The following ABCB6 variants were observed in gnomAD, a reference collection of about 807,000 sequenced individuals.
ABCB6 encodes ATP binding cassette subfamily B member 6 (LAN blood group), also known as ATP-binding cassette sub-family B member 6.
Under a neutral mutation model 99.4 loss-of-function variants are expected in ABCB6, and 87 were observed. The ratio of observed to expected loss-of-function variants is 0.88; its 90% confidence interval spans 0.74 to 1.05. The LOEUF is 1.05. Ranked by LOEUF, ABCB6 falls within the 50% of genes least tolerant of loss-of-function variation. The probability of loss-of-function intolerance (pLI) is 0.00; values close to 1 mark genes in which losing one functional copy is unlikely to be tolerated. For synonymous variants in ABCB6, 482 were observed against 447.5 expected (o/e 1.08, Z -0.97); for missense variants, 1,050 against 1,097.9 (o/e 0.96, Z 0.62).
rs1208267565 is a variant in ABCB6 at position 219,209,897 on chromosome 2, C to G, written c.*41G>C. The G allele has an allele frequency of 6.9e-7, 1 of 1,451,102 alleles. No homozygotes were observed. Among genetic ancestry groups the G allele is most frequent in the South Asian group, 1.1e-5 (1 of 87,832 alleles). 89.9% of individuals were successfully genotyped at this position (1,451,102 alleles called of 1,614,324 possible). On this transcript the variant is annotated 3_prime_UTR_variant, in exon 19 of 19. Coordinates refer to ENST00000265316, the MANE Select transcript of ABCB6 (RefSeq NM_005689.4). ...AGGGAAAGGAGACACATCTTATTCC[C>G]TTCTGGGTTAGTCTTTGAGAGGGAA...
Position 219,218,745 on chromosome 2 carries a change from G to A in ABCB6, c.-72C>T, listed in dbSNP as rs1372298649. Reference sequence around the variant, plus strand: ...AGGCCGGGACTGGTCACTCGGAGAGGGGCGCGGACATCCGGGTGCCTTGGC... The same window carrying A: ...AGGCCGGGACTGGTCACTCGGAGAGAGGCGCGGACATCCGGGTGCCTTGGC... On this transcript the variant is annotated 5_prime_UTR_variant, in exon 1 of 19. Transcript: ENST00000265316. 2.8e-6 allele frequency: 4 copies of A among 1,447,580 alleles called. No homozygotes were observed. Among genetic ancestry groups the A allele is most frequent in the East Asian group, 5.0e-5 (2 of 39,810 alleles). The allele number at this position is 1,447,580 out of a possible 1,614,324, so 89.7% of individuals were successfully genotyped here.
chr2:219,218,614 C>T lies in ABCB6; in HGVS notation c.60G>A (p.Gln20=), dbSNP rs1950680968. The stretch of plus-strand genomic sequence containing the variant: ...AGAAGAAGCAGGGACTCAGGCCATC[C>T]TGCATCCAGGCCGGACCCACGGGCC... The part of the protein sequence containing the change: ...AEGPVGPAWM[Q]DGLSPCFFFT... The change falls in exon 1 of 19, where the codon CAG becomes CAA. Residue 20 remains glutamine, a synonymous_variant. Transcript: ENST00000265316. 6.2e-7 allele frequency: 1 copy of T among 1,611,372 alleles called. No homozygotes were observed. The highest frequency in any genetic ancestry group is 2.2e-5 in the East Asian group (1 of 44,820).
chr2:219,213,853 T>C lies in ABCB6; in HGVS notation c.1551A>G (p.Ala517=), dbSNP rs777482073. The C allele has an allele frequency of 3.9e-5, 63 of 1,613,952 alleles. No homozygotes were observed. The South Asian group carries it at 6.7e-4, about 17-fold the overall frequency. The stretch of plus-strand genomic sequence containing the variant: ...GTAGCTTCTGCTCAGTGACAAAGTA[T>C]GCGCAAAGCAGGGAGCCGGCGAGGA... ...LGLLAGSLLC[A]YFVTEQKLQV... is the part of the protein sequence containing the mutation. The change falls in exon 9 of 19, where the codon GCA becomes GCG. Residue 517 remains alanine (A), a synonymous_variant. Transcript: ENST00000265316.
chr2:219,212,331 TATC>T, intron 14 of ABCB6, 53 bp downstream of exon 14: 1 of 1,481,044 alleles, frequency 6.8e-7, no homozygotes, highest in Non-Finnish European at 9.4e-7. Flanking sequence ...AGCCAGCCCT[TATC>T]ATTCCTCCAC....
chr2:219,217,961 GAC>G (rs1170779233), intron 1 of ABCB6, among the ~76,000 whole-genome samples, 154 bp from the exon 2 acceptor site: 1 of 149,472 alleles, frequency 6.7e-6, no homozygotes, highest in Non-Finnish European at 1.5e-5. Context: ...ACTCAGCAAA[GAC>G]ACACCCCACC....
In ABCB6 at chr2:219,218,925, G is replaced by A. The variant is rs970367348; in HGVS notation, c.-252C>T. On this transcript the variant is annotated 5_prime_UTR_variant, in exon 1 of 19. Transcript: ENST00000265316. The stretch of plus-strand genomic sequence containing the variant: ...GCACGGCCCCGCTGGCTCTGGGCCC[G>A]GGACCCTCCTGCCAACTGCAGGCCC... 3 of 476,360 alleles carry A rather than the reference G, an allele frequency of 6.3e-6. No homozygotes were observed. The highest frequency in any genetic ancestry group is 7.4e-5 in the East Asian group (2 of 27,110). 29.5% of individuals were successfully genotyped at this position (476,360 alleles called of 1,614,324 possible).
intron 5 of ABCB6, 108 bp from the exon 6 acceptor site, chr2:219,215,190 C>T: frequency 7.0e-7 from 1 of 1,425,174 alleles, no homozygotes; most frequent in Non-Finnish European, 9.5e-7. Context: ...CAGACTGGAA[C>T]CAGTCTTAAT....
rs1950599366 is a variant in ABCB6 at position 219,213,221 on chromosome 2, A to C, written c.1805+20T>G. 1.9e-6 allele frequency: 3 copies of C among 1,613,684 alleles called. No individual in the cohort carries two copies. Among genetic ancestry groups the C allele is most frequent in the Middle Eastern group, 1.6e-4 (1 of 6,062 alleles). On this transcript the variant is annotated intron_variant, in intron 12 of 18. Coordinates refer to ENST00000265316, the MANE Select transcript of ABCB6 (RefSeq NM_005689.4). ...GTGCAAATGAACGGAAAAGCAAAGGAAGCAAAAGGAAGGCCTCACCCATCG... is the reference window on the plus strand; with the variant it reads ...GTGCAAATGAACGGAAAAGCAAAGGCAGCAAAAGGAAGGCCTCACCCATCG...
intron 14 of ABCB6, among the ~76,000 whole-genome samples, chr2:219,212,073 T>G (rs1431018031): frequency 6.6e-5 from 10 of 152,076 alleles, no homozygotes; most frequent in African/African-American, 2.2e-4. Flanking sequence ...ATTTTTGTAT[T>G]TTTTGTAGAG....
At chr2:219,215,419 C>T (rs905480865) in intron 5 of ABCB6, 1 of 260,040 alleles carries the variant, frequency 3.8e-6, no homozygotes, top group African/African-American at 2.3e-5. Context: ...TGTGAGTCTG[C>T]ATATATAATA....
chr2:219,218,355 G>A lies in ABCB6; in HGVS notation c.319C>T (p.Leu107=). The change falls in exon 1 of 19, where the codon CTA becomes TTA. Residue 107 remains leucine (L), a synonymous_variant. Coordinates refer to ENST00000265316, the MANE Select transcript of ABCB6 (RefSeq NM_005689.4). ...CTCTCCAGCACGGAGGCCAGAAGTA[G>A]ATAGCTTGGCAGTGGGGCCCCCCGG... The part of the protein sequence containing the change: ...TARGAPLPSY[L]LLASVLESLA... The A allele has an allele frequency of 1.2e-6, 2 of 1,613,072 alleles. No homozygotes were observed. Among genetic ancestry groups the A allele is most frequent in the Middle Eastern group, 1.7e-4 (1 of 6,060 alleles).
Position 219,209,928 on chromosome 2 carries a change from C to T in ABCB6, c.*10G>A, listed in dbSNP as rs1194565160. On this transcript the variant is annotated 3_prime_UTR_variant, in exon 19 of 19. Coordinates refer to ENST00000265316, the MANE Select transcript of ABCB6 (RefSeq NM_005689.4). ...GGTTAGTCTTTGAGAGGGAAGTGGC[C>T]AAACTTTTGTCACCGTTCCATGGTC... The T allele has an allele frequency of 6.2e-7, 1 of 1,612,270 alleles. No individual in the cohort carries two copies.
At chr2:219,213,687 G>C (rs764104159) in intron 9 of ABCB6, 21 bp from the exon 10 acceptor site, 47 of 1,613,954 alleles carry the variant, frequency 2.9e-5, no homozygotes, top group Middle Eastern at 3.3e-4. Flanking sequence ...CAAGGAAGCA[G>C]AGCATGTCAC....
In ABCB6 at chr2:219,216,095, G is replaced by A. The variant is rs752352053; in HGVS notation, c.1056C>T (p.His352=). 24 of 1,588,382 alleles carry A rather than the reference G, an allele frequency of 1.5e-5. No individual in the cohort carries two copies. Among genetic ancestry groups the A allele is most frequent in the Non-Finnish European group, 1.9e-5 (22 of 1,167,922 alleles). Residue 352 remains histidine (H), a synonymous_variant, in exon 5 of 19, where the codon CAC becomes CAT. Coordinates refer to ENST00000265316, the MANE Select transcript of ABCB6 (RefSeq NM_005689.4). The surrounding 1 kb of genome is among the most constrained non-coding windows in gnomAD (Gnocchi z 4.2). ...SRRVELLIFS[H]LHELSLRWHL... The stretch of plus-strand genomic sequence containing the variant: ...GCCAGCGCAGTGAGAGCTCGTGCAG[G>A]TGGGAGAAGATGAGCAGCTCCACCC...
At chr2:219,214,847 C>T in intron 6 of ABCB6, 114 bp downstream of exon 6, 14 of 1,294,734 alleles carry the variant, frequency 1.1e-5, no homozygotes, top group Non-Finnish European at 1.5e-5. Context: ...GGAGCCCATT[C>T]AAGTCCACCA....
At position 219,218,899 on chromosome 2, in the gene ABCB6, A is replaced by T. The variant is rs1323879320; in HGVS notation, c.-226T>A. On this transcript the variant is annotated 5_prime_UTR_variant, in exon 1 of 19. Transcript: ENST00000265316. ...TCACGCAGGGCACGTACGCCGTCTC[A>T]GCACGGCCCCGCTGGCTCTGGGCCC... The T allele has an allele frequency of 2.2e-5, 11 of 507,582 alleles. No homozygotes were observed. In the South Asian group the frequency reaches 3.2e-4, roughly 15 times the overall value. The allele number at this position is 507,582 out of a possible 1,614,324, so 31.4% of individuals were successfully genotyped here. A position where few individuals can be genotyped will look rare whatever the true frequency, so the allele number is the denominator to read the frequency against.
In ABCB6 at chr2:219,218,556, C is replaced by G; in HGVS notation, c.118G>C (p.Gly40Arg). Residue 40 changes from glycine (G) to arginine (R), a missense_variant, in exon 1 of 19, where the codon GGG becomes CGG. By Grantham distance (125) the Gly-to-Arg change is moderately radical (BLOSUM62 -2). Coordinates refer to ENST00000265316, the MANE Select transcript of ABCB6 (RefSeq NM_005689.4). ...AGAGCCAGCACCAAGGCCAGAGTCC[C>G]CAGAGCCATCCGCGTCGAGGGCACG... ...TLVPSTRMAL[G>R]TLALVLALPC... 6.2e-7 allele frequency: 1 copy of G among 1,612,536 alleles called. No individual in the cohort carries two copies. Among genetic ancestry groups the G allele is most frequent in the Non-Finnish European group, 8.5e-7 (1 of 1,179,766 alleles).
chr2:219,217,943 C>A, intron 1 of ABCB6, 136 bp from the exon 2 acceptor site: 2 of 1,302,886 alleles, frequency 1.5e-6, no homozygotes, highest in Non-Finnish European at 2.1e-6. Context: ...AAAAGCAAAA[C>A]CACAGTGACT....
At position 219,218,181 on chromosome 2, in the gene ABCB6, G is replaced by C; in HGVS notation, c.493C>G (p.Leu165Val). 1 of 1,613,786 alleles carries C rather than the reference G, an allele frequency of 6.2e-7. No individual in the cohort carries two copies. The highest frequency in any genetic ancestry group is 8.5e-7 in the Non-Finnish European group (1 of 1,179,968). Residue 165 changes from leucine to valine, a missense_variant, in exon 1 of 19, where the codon CTG becomes GTG. Transcript: ENST00000265316. ...TVAFAAENLA[L>V]VSWNSPQWWW... is the part of the protein sequence containing the mutation. ...CACTGTGGGCTGTTCCAAGACACCA[G>C]GGCCAAGTTCTCAGCTGCAAACGCC...
Sources: gnomAD v4.1 joint callset for allele counts (sites outside exome capture counted in the v4.1 genomes callset) on GRCh38, gnomAD v4.1.1 for gene constraint, Gnocchi (gnomAD v3.1) non-coding constraint, MANE v1.5 for transcripts, NCBI Gene and HGNC (gene_info 2026-07-23, HGNC 2026-07-21) for gene names.